Variants in CSMD3 observed in about 807,000 individuals in gnomAD.
CSMD3 encodes CUB and sushi domain-containing protein 3.
A neutral mutation model predicts 435.2 loss-of-function variants in CSMD3; 177 were observed. The ratio of observed to expected loss-of-function variants is 0.41; its 90% CI spans 0.36 to 0.46. CSMD3 has a LOEUF of 0.46. CSMD3 is among the 20% of genes least tolerant of loss of function. The pLI, the probability that CSMD3 is intolerant of heterozygous loss-of-function variation, is 0.34. For missense variants in CSMD3, 4,265 were observed against 4,504.6 expected, an observed-to-expected ratio of 0.95 and a Z score of 1.52; for synonymous variants, 1,656 against 1,520.5, an observed-to-expected ratio of 1.09 and a Z score of -2.07.
At chr8:113,366,818 T>A (rs2094314894) in intron 1 of CSMD3, among the ~76,000 whole-genome samples, 1 of 152,094 alleles carries the variant, frequency 6.6e-6, no homozygotes, top group African/African-American at 2.4e-5. Flanking sequence ...TATCTTGGGA[T>A]AATGTGTTAA....
chr8:113,089,479 G>A (rs761408585), intron 5 of CSMD3, among the ~76,000 whole-genome samples: 9 of 151,968 alleles, frequency 5.9e-5, no homozygotes, highest in South Asian at 2.1e-4. Flanking sequence ...ATTGAATAAT[G>A]ACACGTCATC....
At chr8:112,265,681 G>T in intron 59 of CSMD3, 91 bp from the exon 60 acceptor site, 2 of 898,988 alleles carry the variant, frequency 2.2e-6, no homozygotes, top group South Asian at 2.6e-5. Flanking sequence ...TAATATATAA[G>T]CAGGAAAATT....
chr8:112,720,325 CTTTTTTTTT>C (rs1587071796), intron 13 of CSMD3, among the ~76,000 whole-genome samples: 3 of 149,986 alleles, frequency 2.0e-5, no homozygotes, highest in South Asian at 4.2e-4. Flanking sequence ...CTTTTCTTTT[CTTTTTTTTT>C]CCCCTGCTTT....
intron 70 of CSMD3, among the ~76,000 whole-genome samples, chr8:112,226,835 C>T (rs1812606155): frequency 6.6e-6 from 1 of 152,064 alleles, no homozygotes; most frequent in Admixed American, 6.5e-5. Context: ...AAATGGAAAT[C>T]AAAACCACAG....
At chr8:113,346,746 T>C (rs118174937) in intron 1 of CSMD3, among the ~76,000 whole-genome samples, 1 of 152,212 alleles carries the variant, frequency 6.6e-6, no homozygotes, top group Non-Finnish European at 1.5e-5. Context: ...AGCATTAAAA[T>C]TATAAAATAA....
intron 4 of CSMD3, among the ~76,000 whole-genome samples, chr8:113,161,339 C>T (rs2131834424): frequency 6.6e-6 from 1 of 152,112 alleles, no homozygotes; most frequent in Admixed American, 6.5e-5. Context: ...ATATCTATTC[C>T]AGTGTAAAGT....
In CSMD3 at chr8:112,518,627, TGTGAGAGAGA is replaced by T. The variant is rs980167767; in HGVS notation, c.4565-1412_4565-1403del. On this transcript the variant is annotated intron_variant, in intron 27 of 70. Coordinates refer to ENST00000297405, the MANE Select transcript of CSMD3 (RefSeq NM_198123.2). ...AAAATGGTGTGTGTGTGTGTGTGTG[TGTGAGAGAGA>T]GAGAGAGAGAGAGAGAGAGGGAAAC... Among the ~76,000 whole-genome samples, 25 of 133,040 alleles carry T rather than the reference TGTGAGAGAGA, an allele frequency of 1.9e-4. No individual in the cohort carries two copies. The East Asian group carries it at 2.7e-3, about 14-fold the overall frequency. The allele number at this position is 133,040 out of a possible 152,430, so 87.3% of individuals were successfully genotyped here.
chr8:113,314,656 C>A lies in CSMD3; in HGVS notation c.316G>T (p.Val106Phe). 6.2e-7 allele frequency: 1 copy of A among 1,610,420 alleles called. No homozygotes were observed. Among genetic ancestry groups the A allele is most frequent in the Non-Finnish European group, 8.5e-7 (1 of 1,176,930 alleles). Residue 106 changes from valine to phenylalanine, a missense_variant, in exon 2 of 71, where the codon GTT becomes TTT. By Grantham distance (50) the Val-to-Phe change is conservative. Coordinates refer to ENST00000297405, the MANE Select transcript of CSMD3 (RefSeq NM_198123.2). ...TCTTCTAGAGCAAATGACTGAAAAA[C>A]AATTTGTATTCTATTTCGTTCTTCT... is the stretch of plus-strand genomic sequence containing the variant. ...IAEERNRIQIVFQSFALEEEY... is the reference protein window; with the variant it reads ...IAEERNRIQIFFQSFALEEEY...
chr8:113,153,475 A>G (rs886707688), intron 4 of CSMD3, among the ~76,000 whole-genome samples: 1 of 152,072 alleles, frequency 6.6e-6, no homozygotes, highest in African/African-American at 2.4e-5. Context: ...ACTATGATAA[A>G]TGTTTTCTAA....
intron 30 of CSMD3, among the ~76,000 whole-genome samples, chr8:112,493,569 A>AT (rs1204513708): frequency 1.1e-4 from 16 of 152,156 alleles, no homozygotes; most frequent in Non-Finnish European, 2.1e-4. Context: ...AAACCACAGT[A>AT]TTTTTTGACA....
chr8:112,537,792 C>G (rs1826271312), intron 27 of CSMD3, among the ~76,000 whole-genome samples: 1 of 151,630 alleles, frequency 6.6e-6, no homozygotes, highest in Non-Finnish European at 1.5e-5. Context: ...ATGAATTCTA[C>G]CAAACATTTA....
intron 10 of CSMD3, among the ~76,000 whole-genome samples, chr8:112,898,224 T>C (rs192132434): frequency 6.6e-6 from 1 of 151,146 alleles, no homozygotes; most frequent in East Asian, 2.0e-4. Context: ...TGCTTGAAGA[T>C]AGTGATATTG....
At chr8:112,799,763 G>T (rs1156964316) in intron 13 of CSMD3, among the ~76,000 whole-genome samples, 1 of 151,870 alleles carries the variant, frequency 6.6e-6, no homozygotes, top group Non-Finnish European at 1.5e-5. Flanking sequence ...AAAAAGATTT[G>T]TACATTGGAA....
chr8:112,447,732 C>T (rs1815777393), intron 32 of CSMD3, among the ~76,000 whole-genome samples: 1 of 152,068 alleles, frequency 6.6e-6, no homozygotes, highest in Non-Finnish European at 1.5e-5. Context: ...ATAACTGTTG[C>T]CCAAAGTTTG....
intron 32 of CSMD3, among the ~76,000 whole-genome samples, chr8:112,445,611 C>G (rs751782920): frequency 1.3e-4 from 20 of 152,164 alleles, no homozygotes; most frequent in Admixed American, 5.9e-4. Context: ...AAGGGATCTG[C>G]TTCCATGACC....
chr8:112,915,373 G>A (rs985017143), intron 10 of CSMD3, among the ~76,000 whole-genome samples: 1 of 151,016 alleles, frequency 6.6e-6, no homozygotes, highest in South Asian at 2.1e-4. Context: ...AAATTTTTAG[G>A]CTTTTAAAAT....
intron 3 of CSMD3, among the ~76,000 whole-genome samples, chr8:113,181,547 T>A (rs1444542445): frequency 6.6e-6 from 1 of 152,080 alleles, no homozygotes; most frequent in African/African-American, 2.4e-5. Flanking sequence ...ATCTGTGCCC[T>A]TTTATTGGCT....
At chr8:112,641,589 C>T (rs1167466329) in intron 20 of CSMD3, among the ~76,000 whole-genome samples, 1 of 152,104 alleles carries the variant, frequency 6.6e-6, no homozygotes, top group Non-Finnish European at 1.5e-5. Context: ...GTAATCCCAG[C>T]ACTTTGGGAG....
intron 2 of CSMD3, among the ~76,000 whole-genome samples, chr8:113,285,423 G>A (rs1050164805): frequency 2.6e-5 from 4 of 152,044 alleles, no homozygotes; most frequent in South Asian, 4.1e-4. Flanking sequence ...ACCACGCCCA[G>A]CTAAGTTTTT....
Sources: allele counts gnomAD v4.1 joint callset (sites outside exome capture counted in the v4.1 genomes callset), GRCh38; gene constraint gnomAD v4.1.1; transcripts MANE v1.5; gene names NCBI Gene and HGNC (gene_info 2026-07-23, HGNC 2026-07-21).